The following PCDHGA6 variants were observed in gnomAD, a reference collection of about 807,000 sequenced individuals.
The protein encoded by PCDHGA6 is protocadherin gamma-A6.
PCDHGA6 carries 41 observed loss-of-function variants against 60.6 expected under a neutral mutation model. That is an observed-to-expected ratio of 0.68 (90% CI 0.53 to 0.88). The LOEUF (loss-of-function observed/expected upper bound fraction) is 0.88, where lower values mean the gene tolerates loss of function less well. Among genes scored for constraint, PCDHGA6 ranks in the 40% least tolerant of loss-of-function variants. PCDHGA6 has a pLI of 0.00. For synonymous variants in PCDHGA6, 594 were observed against 524.4 expected, an observed-to-expected ratio of 1.13 and a Z score of -1.81; for missense variants, 1,312 against 1,203.0, an observed-to-expected ratio of 1.09 and a Z score of -1.34.
At chr5:141,423,838 T>G in intron 1 of PCDHGA6, 1 of 1,279,552 alleles carries the variant, frequency 7.8e-7, no homozygotes, top group South Asian at 3.5e-5. Context: ...GAGATTACGA[T>G]AATCTTTCAG....
intron 1 of PCDHGA6, chr5:141,414,991 G>T (rs1162432290): frequency 1.9e-6 from 3 of 1,613,766 alleles, no homozygotes; most frequent in Non-Finnish European, 1.7e-6. Flanking sequence ...CGGCCAGAAC[G>T]CCTGGCTGTC....
Position 141,432,010 on chromosome 5 carries a change from CT to C in PCDHGA6, c.2424+55504del. The C allele has an allele frequency of 6.2e-7, 1 of 1,614,068 alleles. No individual in the cohort carries two copies. Among genetic ancestry groups the C allele is most frequent in the Non-Finnish European group, 8.5e-7 (1 of 1,180,022 alleles). ...TCTTGGATAGGGAACAGGTTCCTAG[CT>C]ACAACATCACAGTGACCGCCACTGA... On this transcript the variant is annotated intron_variant, in intron 1 of 3. Coordinates refer to ENST00000517434, the MANE Select transcript of PCDHGA6 (RefSeq NM_018919.3). This position sits in a 1 kb window ranked among gnomAD's most constrained non-coding sequence, Gnocchi z 6.0.
chr5:141,489,846 T>C lies in PCDHGA6; in HGVS notation c.2425-4961T>C. The C allele has an allele frequency of 6.2e-7, 1 of 1,614,190 alleles. No individual in the cohort carries two copies. The highest frequency in any genetic ancestry group is 1.1e-5 in the South Asian group (1 of 91,088). ...TGGTGCTAGAGCAGCAGCTGGATCG[T>C]GAAGCCCAGGCAAGACATCAGCTGG... is the stretch of plus-strand genomic sequence containing the variant. On this transcript the variant is annotated intron_variant, in intron 1 of 3. Coordinates refer to ENST00000517434, the MANE Select transcript of PCDHGA6 (RefSeq NM_018919.3). This position sits in a 1 kb window ranked among gnomAD's most constrained non-coding sequence, Gnocchi z 4.5.
intron 1 of PCDHGA6, chr5:141,385,652 G>T: frequency 1.5e-6 from 1 of 651,480 alleles, no homozygotes; most frequent in South Asian, 5.5e-5. Context: ...ATTGCACAAG[G>T]TTAGCAGGAA....
chr5:141,419,151 C>G, intron 1 of PCDHGA6: 3 of 1,613,918 alleles, frequency 1.9e-6, no homozygotes, highest in Non-Finnish European at 1.7e-6. Flanking sequence ...GGCAAGCCTC[C>G]GTTATCCTCC....
chr5:141,450,489 CTGTT>C (rs1372781820), intron 1 of PCDHGA6, among the ~76,000 whole-genome samples: 4 of 150,280 alleles, frequency 2.7e-5, no homozygotes, highest in Non-Finnish European at 2.9e-5. Context: ...GTTTGTTTGT[CTGTT>C]TGTTTGTTTT....
At position 141,432,203 on chromosome 5, in the gene PCDHGA6, G is replaced by A. The variant is rs1282888078; in HGVS notation, c.2424+55696G>A. The A allele has an allele frequency of 3.1e-6, 5 of 1,614,062 alleles. No homozygotes were observed. The highest frequency in any genetic ancestry group is 1.3e-5 in the African/African-American group (1 of 74,920). ...TGTGACCGCCCACGACCCCGACTGT[G>A]AAGAGAACGCCCAGATCACTTATTC... On this transcript the variant is annotated intron_variant, in intron 1 of 3. Transcript: ENST00000517434. The surrounding 1 kb of genome is among the most constrained non-coding windows in gnomAD (Gnocchi z 6.0).
intron 1 of PCDHGA6, chr5:141,393,962 CTG>C: frequency 6.2e-7 from 1 of 1,613,894 alleles, no homozygotes; most frequent in Non-Finnish European, 8.5e-7. Context: ...GTCAAGTTGT[CTG>C]TTACACACGT....
chr5:141,438,583 CATACATACATATATAT>C (rs1183800202), intron 1 of PCDHGA6, among the ~76,000 whole-genome samples: 1 of 57,610 alleles, frequency 1.7e-5, no homozygotes, highest in African/African-American at 9.0e-5. Context: ...TACATACATA[CATACATACATATATAT>C]ATATATATAT....
At position 141,470,736 on chromosome 5, in the gene PCDHGA6, C is replaced by T. The variant is rs541510544; in HGVS notation, c.2425-24071C>T. ...TTTTTGAGTCAGGGTCTTGCTCTGT[C>T]GCCCTGGCTGGAGTGCAGTGGACTC... On this transcript the variant is annotated intron_variant, in intron 1 of 3. Coordinates refer to ENST00000517434, the MANE Select transcript of PCDHGA6 (RefSeq NM_018919.3). Among the ~76,000 whole-genome samples, 104 of 152,208 alleles carry T rather than the reference C, an allele frequency of 6.8e-4. 2 individuals carry two copies. Among genetic ancestry groups the T allele is most frequent in the African/African-American group, 2.4e-3 (98 of 41,522 alleles).
chr5:141,475,167 G>A (rs529813171), intron 1 of PCDHGA6, among the ~76,000 whole-genome samples: 4 of 152,042 alleles, frequency 2.6e-5, no homozygotes, highest in Admixed American at 6.6e-5. Flanking sequence ...CATTAGCAGT[G>A]CAACTTCTTG....
chr5:141,403,388 G>A (rs1376620471), intron 1 of PCDHGA6: 1 of 1,613,904 alleles, frequency 6.2e-7, no homozygotes, highest in African/African-American at 1.3e-5. Context: ...TAACGAAATC[G>A]CGGTTCCTGG....
intron 1 of PCDHGA6, chr5:141,388,545 C>T (rs1293366202): frequency 6.2e-7 from 1 of 1,613,680 alleles, no homozygotes; most frequent in Non-Finnish European, 8.5e-7. Flanking sequence ...TGGAGCTCCA[C>T]CCCTAAGCAG....
Position 141,489,968 on chromosome 5 carries a change from A to G in PCDHGA6, c.2425-4839A>G. 6.2e-7 allele frequency: 1 copy of G among 1,614,146 alleles called. No homozygotes were observed. The highest frequency in any genetic ancestry group is 2.2e-5 in the East Asian group (1 of 44,880). On this transcript the variant is annotated intron_variant, in intron 1 of 3. Coordinates refer to ENST00000517434, the MANE Select transcript of PCDHGA6 (RefSeq NM_018919.3). This position sits in a 1 kb window ranked among gnomAD's most constrained non-coding sequence, Gnocchi z 4.5. Reference sequence around the variant, plus strand: ...ATCAATGATAATGCTCCAACCTTCCAATCCTCAGTTCTACGTGTGGGAATC... The same window carrying G: ...ATCAATGATAATGCTCCAACCTTCCGATCCTCAGTTCTACGTGTGGGAATC...
intron 2 of PCDHGA6, among the ~76,000 whole-genome samples, chr5:141,498,191 A>G (rs2099782212): frequency 6.6e-6 from 1 of 152,270 alleles, no homozygotes; most frequent in African/African-American, 2.4e-5. Flanking sequence ...CAAATTAACC[A>G]GCTAAAGAAA....
chr5:141,420,507 A>G (rs548077936), intron 1 of PCDHGA6: 1 of 428,282 alleles, frequency 2.3e-6, no homozygotes, highest in African/African-American at 2.0e-5. Context: ...TGACATTTTT[A>G]TGAAGTAAAA....
intron 1 of PCDHGA6, chr5:141,427,834 C>A: frequency 6.5e-7 from 1 of 1,542,566 alleles, no homozygotes; most frequent in Non-Finnish European, 8.9e-7. Flanking sequence ...GCGCAGCGTG[C>A]CTTCGACCAC....
At chr5:141,381,572 T>A (rs566489339) in intron 1 of PCDHGA6, among the ~76,000 whole-genome samples, 1 of 152,338 alleles carries the variant, frequency 6.6e-6, no homozygotes, top group African/African-American at 2.4e-5. Flanking sequence ...ATGAAAAGAA[T>A]CAGCCAATCC....
intron 1 of PCDHGA6, among the ~76,000 whole-genome samples, chr5:141,472,725 C>T (rs1250092748): frequency 6.6e-6 from 1 of 152,022 alleles, no homozygotes; most frequent in Non-Finnish European, 1.5e-5. Flanking sequence ...GTGGCTCACA[C>T]CTGTAATCCC....
Sources: gnomAD v4.1 joint callset for allele counts (sites outside exome capture counted in the v4.1 genomes callset) on GRCh38, gnomAD v4.1.1 for gene constraint, Gnocchi (gnomAD v3.1) non-coding constraint, MANE v1.5 for transcripts, NCBI Gene and HGNC (gene_info 2026-07-23, HGNC 2026-07-21) for gene names.